Variants in C7 observed in about 807,000 individuals in gnomAD.
The protein encoded by C7 is complement component C7.
In C7, 83 loss-of-function variants were observed where a neutral mutation model predicts 104.8. The ratio of observed to expected loss-of-function variants is 0.79; its 90% CI spans 0.66 to 0.95. The LOEUF is 0.95. Ranked by LOEUF, C7 falls within the 40% of genes least tolerant of loss-of-function variation. The pLI, the probability that C7 is intolerant of heterozygous loss-of-function variation, is 0.00. For missense variants in C7, 1,070 were observed against 1,011.2 expected, an observed-to-expected ratio of 1.06 and a Z score of -0.79; for synonymous variants, 415 against 360.6, an observed-to-expected ratio of 1.15 and a Z score of -1.71.
rs556468550 is a variant in C7 at position 40,968,748 on chromosome 5, A to G, written c.1883-3655A>G. ...TGCCTCAGCCTCCTGAGTAGCTGGG[A>G]TTATAGACGCTTGCCACAGTGCCCA... On this transcript the variant is annotated intron_variant, in intron 14 of 17. Transcript: ENST00000313164. 1.2e-3 allele frequency among the ~76,000 whole-genome samples: 184 copies of G among 149,646 alleles called. 1 individual carries two copies. The highest frequency in any genetic ancestry group is 2.2e-3 in the Non-Finnish European group (147 of 67,482).
intron 6 of C7, among the ~76,000 whole-genome samples, chr5:40,943,316 T>C (rs1020723582): frequency 2.6e-5 from 4 of 152,040 alleles, no homozygotes; most frequent in Non-Finnish European, 5.9e-5. Context: ...GAATAAGAGA[T>C]GTTAGAATAT....
intron 11 of C7, among the ~76,000 whole-genome samples, chr5:40,958,785 A>G (rs564688027): frequency 9.8e-5 from 15 of 152,304 alleles, no homozygotes; most frequent in African/African-American, 3.4e-4. Flanking sequence ...ACTACAATCT[A>G]TATACTTTTG....
chr5:40,913,007 T>A (rs1464568109), intron 1 of C7, among the ~76,000 whole-genome samples: 1 of 152,234 alleles, frequency 6.6e-6, no homozygotes, highest in Non-Finnish European at 1.5e-5. Context: ...TTTTTGTCCA[T>A]GTGTACACAT....
Position 40,976,827 on chromosome 5 carries a change from C to T in C7, c.2152C>T (p.Pro718Ser). ...LQNSRCVCKM[P>S]YECGPSLDVC... Reference sequence around the variant, plus strand: ...GAATTCAAGATGTGTTTGTAAAATGCCCTACGAATGTGGGTAAGTGCCGCC... The same window carrying T: ...GAATTCAAGATGTGTTTGTAAAATGTCCTACGAATGTGGGTAAGTGCCGCC... The change falls in exon 16 of 18, where the codon CCC (proline) becomes TCC (serine). Residue 718 changes from proline (P) to serine (S), a missense_variant. By Grantham distance (74) the Pro-to-Ser change is moderately conservative. Transcript: ENST00000313164. 6.2e-7 allele frequency: 1 copy of T among 1,603,368 alleles called. No homozygotes were observed. The highest frequency in any genetic ancestry group is 8.5e-7 in the Non-Finnish European group (1 of 1,174,352).
chr5:40,947,433 C>T lies in C7; in HGVS notation c.739-169C>T, dbSNP rs114345094. On this transcript the variant is annotated intron_variant, in intron 7 of 17. Transcript: ENST00000313164. ...TTGAGACTCCAAATATTCCTGATTG[C>T]GTCCAGTAAGTGGGCCCATAAGAGT... Among the ~76,000 whole-genome samples, 1,002 of 151,836 alleles carry T rather than the reference C, an allele frequency of 6.6e-3. 7 individuals carry two copies. The highest frequency in any genetic ancestry group is 0.012 in the Non-Finnish European group (792 of 67,972).
rs190018247 is a variant in C7 at position 40,984,057 on chromosome 5, C to A, written c.*2484C>A. On this transcript the variant is annotated 3_prime_UTR_variant, in exon 18 of 18. Transcript: ENST00000313164. ...GATCATCGCTTACCACTCATGAGGACGCTACAAGTTACCTGGGCAGAGAAG... is the reference window on the plus strand; with the variant it reads ...GATCATCGCTTACCACTCATGAGGAAGCTACAAGTTACCTGGGCAGAGAAG... Among the ~76,000 whole-genome samples, 1 of 152,144 alleles carries A rather than the reference C, an allele frequency of 6.6e-6. No homozygotes were observed. Among genetic ancestry groups the A allele is most frequent in the Non-Finnish European group, 1.5e-5 (1 of 68,038 alleles).
chr5:40,959,681 G>GTGTTCCATGCTAACT, intron 12 of C7, 61 bp downstream of exon 12: 1 of 1,264,714 alleles, frequency 7.9e-7, no homozygotes, highest in Non-Finnish European at 1.1e-6. Context: ...CAGTTAGCAT[G>GTGTTCCATGCTAACT]GAACACATGA....
chr5:40,917,918 C>CA (rs928615442), intron 1 of C7, among the ~76,000 whole-genome samples: 25 of 151,926 alleles, frequency 1.6e-4, no homozygotes, highest in African/African-American at 6.0e-4. Flanking sequence ...ATTCTGACAT[C>CA]AAAAAAATAT....
intron 4 of C7, among the ~76,000 whole-genome samples, chr5:40,935,864 T>C (rs1291143641): frequency 1.3e-5 from 2 of 152,248 alleles, no homozygotes; most frequent in Non-Finnish European, 2.9e-5. Context: ...TTTATTCATA[T>C]TCGTATCCTA....
intron 14 of C7, among the ~76,000 whole-genome samples, chr5:40,970,970 T>A (rs1476650373): frequency 6.6e-6 from 1 of 152,318 alleles, no homozygotes; most frequent in Middle Eastern, 3.4e-3. Context: ...CATATTTTCT[T>A]TATCCAGTCT....
intron 5 of C7, 137 bp from the exon 6 acceptor site, chr5:40,937,415 C>T: frequency 1.3e-6 from 1 of 755,214 alleles, no homozygotes; most frequent in Non-Finnish European, 2.0e-6. Flanking sequence ...CATTTGAACT[C>T]TCTCAAAGAA....
chr5:40,956,809 A>G (rs947809347), intron 10 of C7, among the ~76,000 whole-genome samples: 19 of 152,228 alleles, frequency 1.2e-4, no homozygotes, highest in Admixed American at 2.0e-4. Flanking sequence ...AAATTTTCCT[A>G]GAAAGTCTTA....
chr5:40,963,706 G>A (rs1356771245), intron 13 of C7, among the ~76,000 whole-genome samples: 1 of 152,108 alleles, frequency 6.6e-6, no homozygotes, highest in Non-Finnish European at 1.5e-5. Context: ...GACCCTAAAT[G>A]AGTGTGATTA....
intron 7 of C7, among the ~76,000 whole-genome samples, chr5:40,946,492 T>C (rs747327664): frequency 1.3e-5 from 2 of 152,224 alleles, no homozygotes; most frequent in Non-Finnish European, 2.9e-5. Context: ...CTCCACATTA[T>C]ATTGTTCACA....
At chr5:40,940,746 G>A (rs1397623435) in intron 6 of C7, among the ~76,000 whole-genome samples, 1 of 152,044 alleles carries the variant, frequency 6.6e-6, no homozygotes, top group Non-Finnish European at 1.5e-5. Context: ...GCTTTACATG[G>A]ACCTATTTTC....
chr5:40,916,088 T>G (rs1739310280), intron 1 of C7, among the ~76,000 whole-genome samples: 1 of 152,166 alleles, frequency 6.6e-6, no homozygotes, highest in Admixed American at 6.5e-5. Context: ...AGCTATCAGT[T>G]AAAGTAGGAA....
intron 9 of C7, among the ~76,000 whole-genome samples, chr5:40,954,220 C>T (rs1740238369): frequency 6.6e-6 from 1 of 151,962 alleles, no homozygotes; most frequent in South Asian, 2.1e-4. Flanking sequence ...GTTTTCCTTC[C>T]AATATTTTAT....
intron 15 of C7, 100 bp downstream of exon 15, chr5:40,972,694 T>G: frequency 1.1e-6 from 1 of 887,728 alleles, no homozygotes; most frequent in Non-Finnish European, 1.7e-6. Context: ...CTGTGAGTCA[T>G]TCCCTCCATT....
intron 2 of C7, among the ~76,000 whole-genome samples, chr5:40,930,371 A>G (rs1234642418): frequency 6.6e-6 from 1 of 151,456 alleles, no homozygotes; most frequent in Non-Finnish European, 1.5e-5. Context: ...ACGCCTGGCT[A>G]ATTTTTGTAT....
Sources: allele counts gnomAD v4.1 joint callset (sites outside exome capture counted in the v4.1 genomes callset), GRCh38; gene constraint gnomAD v4.1.1; transcripts MANE v1.5; gene names NCBI Gene and HGNC (gene_info 2026-07-23, HGNC 2026-07-21).